The following CDH6 variants were observed in gnomAD, a reference collection of about 807,000 sequenced individuals.
The protein encoded by CDH6 is cadherin-6.
CDH6 carries 31 observed loss-of-function variants against 78.0 expected under a neutral mutation model. The observed-to-expected ratio is 0.40, with a 90% CI of 0.30 to 0.54. The LOEUF is 0.54. Ranked by LOEUF, CDH6 falls within the 20% of genes least tolerant of loss-of-function variation. CDH6 has a pLI of 0.56. For synonymous variants in CDH6, 376 were observed against 368.8 expected (o/e 1.02, Z -0.23); for missense variants, 724 against 975.9 (o/e 0.74, Z 3.44).
chr5:31,266,637 G>GA (rs11296915), intron 1 of CDH6, among the ~76,000 whole-genome samples: 53 of 148,170 alleles, frequency 3.6e-4, no homozygotes, highest in East Asian at 3.1e-3. Context: ...GTCCTCTAAG[G>GA]AAAAAAAAAA....
chr5:31,283,361 T>C (rs899734464), intron 2 of CDH6, among the ~76,000 whole-genome samples: 4 of 152,192 alleles, frequency 2.6e-5, no homozygotes, highest in Admixed American at 2.0e-4. Flanking sequence ...GGGAAAAAAA[T>C]GTGTTGTGGT....
intron 1 of CDH6, among the ~76,000 whole-genome samples, chr5:31,236,872 A>G (rs10067056): frequency 0.98 from 149,836 of 152,264 alleles, 73,747 homozygotes; most frequent in East Asian, 1. Flanking sequence ...TTTCATCACA[A>G]TTACTGCCTT....
At position 31,299,559 on chromosome 5, in the gene CDH6, G is replaced by A. The variant is rs1737704594; in HGVS notation, c.739G>A (p.Gly247Arg). The A allele has an allele frequency of 1.9e-6, 3 of 1,613,674 alleles. No individual in the cohort carries two copies. Among genetic ancestry groups the A allele is most frequent in the Non-Finnish European group, 2.5e-6 (3 of 1,179,676 alleles). ...QAKDMGGQMG[G>R]LSGTTTVNIT... ...CAAGGATATGGGCGGCCAGATGGGA[G>A]GATTATCTGGGACCACCACCGTGAA... Residue 247 changes from glycine (G) to arginine (R), a missense_variant, in exon 5 of 12, where the codon GGA becomes AGA. Around this residue, in one of 3 missense-constraint regions of CDH6, gnomAD observed 446 missense variants for 684.5 expected, o/e 0.65. Transcript: ENST00000265071.
chr5:31,249,564 C>G (rs562403835), intron 1 of CDH6: 22 of 152,346 alleles, frequency 1.4e-4, no homozygotes, highest in Admixed American at 1.4e-3. Context: ...GAGACCAAAC[C>G]ATTTCCATAT....
chr5:31,210,076 T>TTCTGTGTGTGTGTGTG (rs1554002608), intron 1 of CDH6, among the ~76,000 whole-genome samples: 5 of 146,564 alleles, frequency 3.4e-5, no homozygotes, highest in African/African-American at 1.3e-4. Flanking sequence ...TTTTCTTAAA[T>TTCTGTGTGTGTGTGTG]TGTGTGTGTG....
At chr5:31,221,975 C>T (rs1741015263) in intron 1 of CDH6, among the ~76,000 whole-genome samples, 2 of 152,098 alleles carry the variant, frequency 1.3e-5, no homozygotes, top group African/African-American at 2.4e-5. Flanking sequence ...TAAAACCATC[C>T]GGGAGGCTTT....
intron 1 of CDH6, among the ~76,000 whole-genome samples, chr5:31,243,123 T>G (rs959896833): frequency 6.6e-6 from 1 of 152,138 alleles, no homozygotes; most frequent in Admixed American, 6.6e-5. Flanking sequence ...TATAATACCC[T>G]TAGACTCTCC....
intron 1 of CDH6, among the ~76,000 whole-genome samples, chr5:31,222,384 T>C (rs1483465286): frequency 2.0e-5 from 3 of 152,198 alleles, no homozygotes; most frequent in East Asian, 1.9e-4. Flanking sequence ...TATAAGTATG[T>C]TAAGTTCCTT....
At chr5:31,259,463 A>T (rs1450292018) in intron 1 of CDH6, among the ~76,000 whole-genome samples, 1 of 152,196 alleles carries the variant, frequency 6.6e-6, no homozygotes, top group African/African-American at 2.4e-5. Flanking sequence ...AGCTCATAGA[A>T]ATCATCCATG....
At chr5:31,209,947 A>G (rs1740646487) in intron 1 of CDH6, among the ~76,000 whole-genome samples, 1 of 152,176 alleles carries the variant, frequency 6.6e-6, no homozygotes, top group Non-Finnish European at 1.5e-5. Context: ...GATTAAGGGT[A>G]ATGTCCTTCA....
At chr5:31,219,114 C>T (rs896816143) in intron 1 of CDH6, among the ~76,000 whole-genome samples, 1 of 152,188 alleles carries the variant, frequency 6.6e-6, no homozygotes, top group Admixed American at 6.5e-5. Context: ...CCGAATAGAA[C>T]AAAGACTCAA....
intron 1 of CDH6, among the ~76,000 whole-genome samples, chr5:31,202,974 C>T (rs1041203671): frequency 1.3e-5 from 2 of 151,882 alleles, no homozygotes; most frequent in South Asian, 4.1e-4. Flanking sequence ...ATTACCAATG[C>T]AAAATGATAA....
chr5:31,245,985 G>T (rs994604786), intron 1 of CDH6, among the ~76,000 whole-genome samples: 2 of 136,880 alleles, frequency 1.5e-5, no homozygotes, highest in Non-Finnish European at 3.0e-5. Flanking sequence ...TCTGCTCACT[G>T]CAACCTCCAC....
intron 6 of CDH6, among the ~76,000 whole-genome samples, chr5:31,302,790 GAGAGA>G (rs1737816814): frequency 2.1e-5 from 2 of 95,320 alleles, no homozygotes; most frequent in Non-Finnish European, 4.0e-5. Flanking sequence ...GAGAGAGAGA[GAGAGA>G]GAGAGAAAGA....
At chr5:31,318,818 C>G (rs1199241174) in intron 11 of CDH6, 1 of 225,664 alleles carries the variant, frequency 4.4e-6, no homozygotes, top group Non-Finnish European at 8.8e-6. Context: ...AAAATGAAGA[C>G]AGAGTGACTT....
In CDH6 at chr5:31,323,481, C is replaced by T. The variant is rs1724584611; in HGVS notation, c.*173C>T. ...CTTTTTTCTAGTACACTTTTATGAGCTTCCAAGGGGCAAATTTTTATTTTT... is the reference window on the plus strand; with the variant it reads ...CTTTTTTCTAGTACACTTTTATGAGTTTCCAAGGGGCAAATTTTTATTTTT... On this transcript the variant is annotated 3_prime_UTR_variant, in exon 12 of 12. Coordinates refer to ENST00000265071, the MANE Select transcript of CDH6 (RefSeq NM_004932.4). 1.4e-5 allele frequency: 10 copies of T among 720,026 alleles called. No individual in the cohort carries two copies. The South Asian group carries it at 2.1e-4, about 15-fold the overall frequency. 44.6% of individuals were successfully genotyped at this position (720,026 alleles called of 1,614,324 possible).
intron 8 of CDH6, among the ~76,000 whole-genome samples, chr5:31,314,414 T>C (rs1738247100): frequency 6.6e-6 from 1 of 150,706 alleles, no homozygotes; most frequent in East Asian, 2.0e-4. Context: ...GTTCTAAACA[T>C]TTTTAGCTCA....
intron 2 of CDH6, among the ~76,000 whole-genome samples, chr5:31,292,852 C>CATATATATATATATATGTGTGCATAT (rs1737444046): frequency 2.3e-4 from 2 of 8,798 alleles, no homozygotes; most frequent in African/African-American, 3.6e-4. Context: ...TATATGTGTG[C>CATATATATATATATATGTGTGCATAT]ATATATATAT....
In CDH6 at chr5:31,252,346, T is replaced by TGTGTGC. The variant is rs756664299; in HGVS notation, c.-128-14995_-128-14994insCGTGTG. On this transcript the variant is annotated intron_variant, in intron 1 of 11. Coordinates refer to ENST00000265071, the MANE Select transcript of CDH6 (RefSeq NM_004932.4). ...TGTGTGTGGTGTGTGTGTGTGTGTG[T>TGTGTGC]GTGTGTATTTTTATTAATCATAAAA... is the stretch of plus-strand genomic sequence containing the variant. Among the ~76,000 whole-genome samples, 85 of 152,010 alleles carry TGTGTGC rather than the reference T, an allele frequency of 5.6e-4. 1 individual carries two copies. The highest frequency in any genetic ancestry group is 3.1e-4 in the Non-Finnish European group (21 of 68,018).
Sources: gnomAD v4.1 joint callset for allele counts (sites outside exome capture counted in the v4.1 genomes callset) on GRCh38, gnomAD v4.1.1 for gene constraint, gnomAD v4.1.1 regional missense constraint, MANE v1.5 for transcripts, NCBI Gene and HGNC (gene_info 2026-07-23, HGNC 2026-07-21) for gene names.